RIMBP2: variants seen among roughly 807,000 people sequenced by gnomAD.
RIMBP2 encodes RIMS-binding protein 2.
A neutral mutation model predicts 118.6 loss-of-function variants in RIMBP2; 48 were observed. That is an observed-to-expected ratio of 0.40 (90% CI 0.32 to 0.51). The LOEUF (loss-of-function observed/expected upper bound fraction) is 0.51. Among genes scored for constraint, RIMBP2 ranks in the 20% least tolerant of loss-of-function variants. The probability of loss-of-function intolerance (pLI) is 0.41; values close to 1 mark genes in which losing one functional copy is unlikely to be tolerated. For missense variants in RIMBP2, 1,551 were observed against 1,768.3 expected (o/e 0.88, Z 2.20); for synonymous variants, 762 against 742.9 (o/e 1.03, Z -0.42).
chr12:130,689,640 G>A (rs1464732722), intron 1 of RIMBP2, among the ~76,000 whole-genome samples: 1 of 152,100 alleles, frequency 6.6e-6, no homozygotes, highest in East Asian at 1.9e-4. Context: ...AGGCTTAGCT[G>A]GGGAGGGGGA....
chr12:130,426,462 T>G (rs2076797923), intron 15 of RIMBP2: 1 of 152,320 alleles, frequency 6.6e-6, no homozygotes, highest in African/African-American at 2.4e-5. Flanking sequence ...GTATTTTTAG[T>G]AGAGACGGGG....
intron 2 of RIMBP2, among the ~76,000 whole-genome samples, chr12:130,603,908 T>C (rs2060008838): frequency 6.8e-6 from 1 of 146,684 alleles, no homozygotes; most frequent in Non-Finnish European, 1.5e-5. Flanking sequence ...TATGCTCTAC[T>C]TTTCTCATTA....
chr12:130,489,501 G>A (rs1371776844), intron 4 of RIMBP2, among the ~76,000 whole-genome samples: 1 of 152,038 alleles, frequency 6.6e-6, no homozygotes, highest in Admixed American at 6.6e-5. Context: ...TCGGCGGGAG[G>A]GAAGCCAGGG....
intron 2 of RIMBP2, among the ~76,000 whole-genome samples, chr12:130,529,081 T>C (rs183504048): frequency 6.6e-6 from 1 of 152,162 alleles, no homozygotes; most frequent in East Asian, 1.9e-4. Flanking sequence ...ATAAGCCAAA[T>C]GTGGTCTGTC....
chr12:130,497,045 C>T (rs1033341491), intron 4 of RIMBP2, among the ~76,000 whole-genome samples: 20 of 152,182 alleles, frequency 1.3e-4, no homozygotes, highest in South Asian at 6.2e-4. Flanking sequence ...GGCTCCTGGG[C>T]GCTCCATGGC....
intron 1 of RIMBP2, among the ~76,000 whole-genome samples, chr12:130,644,068 A>G (rs2062742749): frequency 6.6e-6 from 1 of 152,254 alleles, no homozygotes; most frequent in African/African-American, 2.4e-5. Flanking sequence ...CCACCCTCCC[A>G]AAACAGTGCT....
intron 2 of RIMBP2, among the ~76,000 whole-genome samples, chr12:130,627,577 G>T (rs1383673151): frequency 6.6e-6 from 1 of 152,160 alleles, no homozygotes; most frequent in Non-Finnish European, 1.5e-5. Context: ...TCAAAACTGG[G>T]CTTCGGCGCA....
intron 2 of RIMBP2, among the ~76,000 whole-genome samples, chr12:130,543,057 G>A (rs1159724492): frequency 6.6e-6 from 1 of 152,178 alleles, no homozygotes; most frequent in Non-Finnish European, 1.5e-5. Flanking sequence ...ATGATGAACT[G>A]AGAAGGTATG....
At chr12:130,540,308 G>C (rs1485700611) in intron 2 of RIMBP2, among the ~76,000 whole-genome samples, 1 of 152,180 alleles carries the variant, frequency 6.6e-6, no homozygotes, top group Non-Finnish European at 1.5e-5. Context: ...GGCTGGTGTG[G>C]TTGGCTGAGA....
rs916269890 is a variant in RIMBP2, at chr12:130,536,215, C to T, written c.-216-18298G>A. Among the ~76,000 whole-genome samples the T allele has an allele frequency of 2.6e-5, 4 of 151,926 alleles. No individual in the cohort carries two copies. The East Asian group carries it at 5.8e-4, about 22-fold the overall frequency. On this transcript the variant is annotated intron_variant, in intron 2 of 22. Coordinates refer to ENST00000690449, the MANE Select transcript of RIMBP2 (RefSeq NM_001393629.1). ...AGAGAAACAGAGACAGATAGGCAGG[C>T]GGAGCTGGGGGACAGGTTCTTACCC...
In RIMBP2 at chr12:130,591,001, G is replaced by A. The variant is rs555258859; in HGVS notation, c.-217+37321C>T. Reference sequence around the variant, plus strand: ...AACATCATCCAACAACGAGAGCAACGCACTTGGACTTCAAGAGAAGGATTA... The same window carrying A: ...AACATCATCCAACAACGAGAGCAACACACTTGGACTTCAAGAGAAGGATTA... On this transcript the variant is annotated intron_variant, in intron 2 of 22. Transcript: ENST00000690449. Among the ~76,000 whole-genome samples, 11 of 152,326 alleles carry A rather than the reference G, an allele frequency of 7.2e-5. No individual in the cohort carries two copies. In the South Asian group the frequency reaches 1.9e-3, roughly 26 times the overall value.
intron 2 of RIMBP2, among the ~76,000 whole-genome samples, chr12:130,577,960 T>C (rs1257401672): frequency 6.6e-6 from 1 of 152,174 alleles, no homozygotes; most frequent in Non-Finnish European, 1.5e-5. Context: ...TTTCACAATG[T>C]CTACATCATC....
intron 4 of RIMBP2, among the ~76,000 whole-genome samples, chr12:130,496,129 AG>A (rs1459551795): frequency 1.3e-5 from 2 of 152,320 alleles, no homozygotes; most frequent in African/African-American, 4.8e-5. Flanking sequence ...CATCTTGAAT[AG>A]TAACTCCAGT....
intron 4 of RIMBP2, among the ~76,000 whole-genome samples, chr12:130,493,673 T>G (rs2048860765): frequency 6.6e-6 from 1 of 152,178 alleles, no homozygotes; most frequent in African/African-American, 2.4e-5. Context: ...ATGTCACTCC[T>G]AGTGGTTGCC....
chr12:130,652,244 G>A (rs148829730), intron 1 of RIMBP2, among the ~76,000 whole-genome samples: 298 of 152,330 alleles, frequency 2.0e-3, no homozygotes, highest in African/African-American at 6.9e-3. Context: ...TTTTGTAAAT[G>A]AAGTTTTGTT....
intron 1 of RIMBP2, among the ~76,000 whole-genome samples, chr12:130,646,145 A>G (rs1293598810): frequency 3.4e-5 from 3 of 88,648 alleles, no homozygotes; most frequent in Non-Finnish European, 5.2e-5. Context: ...CTCCCTCACC[A>G]CCTGCCTCTC....
At chr12:130,478,882 G>T (rs556146836) in intron 5 of RIMBP2, 30 bp downstream of exon 5, 1 of 1,559,492 alleles carries the variant, frequency 6.4e-7, no homozygotes, top group South Asian at 1.1e-5. Flanking sequence ...TCCCTGCCTC[G>T]CACGCCGCGC....
At chr12:130,418,244 T>C (rs898332631) in intron 17 of RIMBP2, among the ~76,000 whole-genome samples, 1 of 152,254 alleles carries the variant, frequency 6.6e-6, no homozygotes, top group Non-Finnish European at 1.5e-5. Context: ...TGTCAGTAAT[T>C]TCTGCCAGGG....
Position 130,683,620 on chromosome 12 carries a change from C to T in RIMBP2, c.-352+32602G>A, listed in dbSNP as rs929977648. On this transcript the variant is annotated intron_variant, in intron 1 of 22. Coordinates refer to ENST00000690449, the MANE Select transcript of RIMBP2 (RefSeq NM_001393629.1). The surrounding 1 kb of genome is among the most constrained non-coding windows in gnomAD (Gnocchi z 4.4). ...CGACAAAAGACACAGGTCATAAAGA[C>T]CTTGCGGATAAAACAGTTGCAGTAA... 5.3e-5 allele frequency among the ~76,000 whole-genome samples: 8 copies of T among 152,122 alleles called. No homozygotes were observed. Among genetic ancestry groups the T allele is most frequent in the African/African-American group, 1.9e-4 (8 of 41,414 alleles).
Sources: allele counts gnomAD v4.1 joint callset (sites outside exome capture counted in the v4.1 genomes callset), GRCh38; gene constraint gnomAD v4.1.1; non-coding constraint Gnocchi (gnomAD v3.1); transcripts MANE v1.5; gene names NCBI Gene and HGNC (gene_info 2026-07-23, HGNC 2026-07-21).